Variants in CACNA2D4 observed in about 807,000 individuals in gnomAD.
CACNA2D4 encodes the protein voltage-dependent calcium channel subunit alpha-2/delta-4.
CACNA2D4 carries 157 observed loss-of-function variants against 163.8 expected under a neutral mutation model. The observed-to-expected ratio is 0.96, with a 90% CI of 0.84 to 1.09. The LOEUF (loss-of-function observed/expected upper bound fraction) is 1.09, where lower values mean the gene tolerates loss of function less well. Ranked by LOEUF, CACNA2D4 falls within the 50% of genes least tolerant of loss-of-function variation. CACNA2D4 has a pLI of 0.00. For missense variants in CACNA2D4, 1,410 were observed against 1,479.9 expected (o/e 0.95, Z 0.78); for synonymous variants, 598 against 586.9 (o/e 1.02, Z -0.27).
chr12:1,888,569 C>G (rs1236617748), intron 6 of CACNA2D4, among the ~76,000 whole-genome samples: 1 of 151,982 alleles, frequency 6.6e-6, no homozygotes, highest in East Asian at 1.9e-4. Flanking sequence ...AAAGAACATA[C>G]AAGAAATGAC....
chr12:1,793,546 G>T lies in CACNA2D4; in HGVS notation c.*109C>A. 2.2e-6 allele frequency: 2 copies of T among 906,224 alleles called. No homozygotes were observed. The highest frequency in any genetic ancestry group is 3.6e-6 in the Non-Finnish European group (2 of 556,950). 56.1% of individuals were successfully genotyped at this position (906,224 alleles called of 1,614,324 possible). ...CCAGCCCAGGATTGAGAGGAGCGTT[G>T]GCCTGGGGGCGACCCAACTGCAGTT... is the stretch of plus-strand genomic sequence containing the variant. On this transcript the variant is annotated 3_prime_UTR_variant, in exon 38 of 38. Transcript: ENST00000382722.
chr12:1,856,950 G>A (rs2154448402), intron 20 of CACNA2D4, among the ~76,000 whole-genome samples: 1 of 152,334 alleles, frequency 6.6e-6, no homozygotes, highest in East Asian at 1.9e-4. Context: ...CAGCTGGAAG[G>A]GGAGCTCCCT....
rs754887483 is a variant in CACNA2D4 at position 1,798,902 on chromosome 12, C to T, written c.2995+773G>A. ...CCAGAAGGAGTCTGGAGACACAGCC[C>T]GAACTGCCCTGAGCCCAGGGGCAGA... is the stretch of plus-strand genomic sequence containing the variant. On this transcript the variant is annotated intron_variant, in intron 34 of 37. Coordinates refer to ENST00000382722, the MANE Select transcript of CACNA2D4 (RefSeq NM_172364.5). This position sits in a 1 kb window ranked among gnomAD's most constrained non-coding sequence, Gnocchi z 4.3. 3.3e-5 allele frequency among the ~76,000 whole-genome samples: 5 copies of T among 152,066 alleles called. No homozygotes were observed. The highest frequency in any genetic ancestry group is 1.5e-5 in the Non-Finnish European group (1 of 68,018).
intron 6 of CACNA2D4, among the ~76,000 whole-genome samples, chr12:1,892,824 A>G (rs371625945): frequency 6.6e-6 from 1 of 152,242 alleles, no homozygotes; most frequent in Non-Finnish European, 1.5e-5. Context: ...ACCAAAAGCA[A>G]ACAGGAGTAG....
intron 14 of CACNA2D4, 44 bp from the exon 15 acceptor site, chr12:1,879,080 G>T (rs753962976): frequency 1.3e-6 from 2 of 1,536,230 alleles, no homozygotes; most frequent in Non-Finnish European, 1.8e-6. Context: ...CAGCTTCCCT[G>T]TGTACAAGGT....
intron 20 of CACNA2D4, among the ~76,000 whole-genome samples, chr12:1,856,867 G>A (rs929483740): frequency 6.6e-5 from 10 of 152,176 alleles, no homozygotes; most frequent in African/African-American, 2.4e-4. Context: ...CCAAGGAGGG[G>A]ATGACAGAAA....
chr12:1,895,445 A>G (rs1183940190), intron 6 of CACNA2D4, among the ~76,000 whole-genome samples: 1 of 152,098 alleles, frequency 6.6e-6, no homozygotes, highest in Admixed American at 6.5e-5. Context: ...AAAAACATAA[A>G]CAAAAACAAA....
Position 1,820,509 on chromosome 12 carries a change from C to T in CACNA2D4, c.2552-8786G>A, listed in dbSNP as rs1297564221. ...CTCTGGCTCGCTGCTCGCGCACACG[C>T]GTGCGCTCTCCTCCCTCGCCCCTTT... On this transcript the variant is annotated intron_variant, in intron 26 of 37. Transcript: ENST00000382722. The surrounding 1 kb of genome is among the most constrained non-coding windows in gnomAD (Gnocchi z 6.0). 1.3e-5 allele frequency: 2 copies of T among 152,396 alleles called. No individual in the cohort carries two copies. Among genetic ancestry groups the T allele is most frequent in the Non-Finnish European group, 2.9e-5 (2 of 68,166 alleles). 9.4% of individuals were successfully genotyped at this position (152,396 alleles called of 1,614,324 possible).
At chr12:1,894,394 C>T (rs2154450161) in intron 6 of CACNA2D4, among the ~76,000 whole-genome samples, 1 of 152,214 alleles carries the variant, frequency 6.6e-6, no homozygotes, top group East Asian at 1.9e-4. Context: ...GTGAGGCCAG[C>T]ATTACTCTAA....
At chr12:1,809,643 C>T (rs915078462) in intron 29 of CACNA2D4, 2 of 686,906 alleles carry the variant, frequency 2.9e-6, no homozygotes, top group African/African-American at 3.6e-5. Flanking sequence ...TTCTCTTTTT[C>T]CTTTCTGAGC....
rs1310243710 is a variant in CACNA2D4, at chr12:1,834,570, T to C, written c.2551+6169A>G. On this transcript the variant is annotated intron_variant, in intron 26 of 37. Transcript: ENST00000382722. This position sits in a 1 kb window ranked among gnomAD's most constrained non-coding sequence, Gnocchi z 7.6. Reference sequence around the variant, plus strand: ...ATTGCAGGGGTCGTGTGCGGCGTCGTCTGCATCATGATGGTGGTGGCCGCT... The same window carrying C: ...ATTGCAGGGGTCGTGTGCGGCGTCGCCTGCATCATGATGGTGGTGGCCGCT... The C allele has an allele frequency of 6.2e-7, 1 of 1,601,472 alleles. No homozygotes were observed. Among genetic ancestry groups the C allele is most frequent in the South Asian group, 1.1e-5 (1 of 91,074 alleles).
intron 23 of CACNA2D4, among the ~76,000 whole-genome samples, chr12:1,848,778 A>ATTATTATTT (rs1198136647): frequency 1.8e-4 from 27 of 150,432 alleles, no homozygotes; most frequent in Admixed American, 5.3e-4. Flanking sequence ...TATTATTATT[A>ATTATTATTT]TTATTTTTAT....
At chr12:1,910,859 G>T (rs1213844935) in intron 3 of CACNA2D4, among the ~76,000 whole-genome samples, 2 of 152,124 alleles carry the variant, frequency 1.3e-5, no homozygotes, top group African/African-American at 2.4e-5. Context: ...GGGGATAGGG[G>T]AGTGATTGCT....
At chr12:1,824,945 C>T (rs1279105081) in intron 26 of CACNA2D4, among the ~76,000 whole-genome samples, 2 of 152,198 alleles carry the variant, frequency 1.3e-5, no homozygotes, top group East Asian at 1.9e-4. Flanking sequence ...AGGAGGAAGC[C>T]CAAGGGACCC....
At chr12:1,800,988 C>G in intron 31 of CACNA2D4, 55 bp downstream of exon 31, 3 of 1,536,038 alleles carry the variant, frequency 2.0e-6, no homozygotes, top group Non-Finnish European at 2.7e-6. Flanking sequence ...CATTCCAGGA[C>G]AGGGCAGAGG....
chr12:1,904,415 G>GA (rs58787615), intron 6 of CACNA2D4, among the ~76,000 whole-genome samples: 148,618 of 152,174 alleles, frequency 0.98, 72,604 homozygotes, highest in East Asian at 1. Context: ...TGAGGCAATG[G>GA]TATCCCATTT....
rs1369542478 is a variant in CACNA2D4 at position 1,799,133 on chromosome 12, C to T, written c.2995+542G>A. Among the ~76,000 whole-genome samples the T allele has an allele frequency of 2.0e-5, 3 of 152,204 alleles. No individual in the cohort carries two copies. The highest frequency in any genetic ancestry group is 1.9e-4 in the East Asian group (1 of 5,182). On this transcript the variant is annotated intron_variant, in intron 34 of 37. Transcript: ENST00000382722. The surrounding 1 kb of genome is among the most constrained non-coding windows in gnomAD (Gnocchi z 4.7). ...CTCCTGCAGTCATGGAGGGCCCAGG[C>T]GCCCGGGCAGTGAGTGCTTTGAAAG...
At chr12:1,817,745 C>T (rs4766422) in intron 26 of CACNA2D4, among the ~76,000 whole-genome samples, 4,737 of 151,982 alleles carry the variant, frequency 0.031, 243 homozygotes, top group African/African-American at 0.11. Context: ...CTCGGCCTCC[C>T]GAGGTGCCGG....
intron 6 of CACNA2D4, among the ~76,000 whole-genome samples, chr12:1,897,892 T>G (rs1009963699): frequency 2.6e-5 from 4 of 152,156 alleles, no homozygotes; most frequent in African/African-American, 9.7e-5. Context: ...GAAGATTTCA[T>G]CCAACAATGA....
Sources: gnomAD v4.1 joint callset for allele counts (sites outside exome capture counted in the v4.1 genomes callset) on GRCh38, gnomAD v4.1.1 for gene constraint, Gnocchi (gnomAD v3.1) non-coding constraint, MANE v1.5 for transcripts, NCBI Gene and HGNC (gene_info 2026-07-23, HGNC 2026-07-21) for gene names.